The following SPG7 variants were observed in gnomAD, a reference collection of about 807,000 sequenced individuals.
SPG7 encodes the protein SPG7 matrix AAA peptidase subunit, paraplegin, also known as mitochondrial inner membrane m-AAA protease component paraplegin.
SPG7 carries 103 observed loss-of-function variants against 81.9 expected under a neutral mutation model. The ratio of observed to expected loss-of-function variants is 1.26; its 90% CI spans 1.07 to 1.48. The LOEUF (loss-of-function observed/expected upper bound fraction) is 1.48, where lower values mean the gene tolerates loss of function less well. Ranked by LOEUF, SPG7 falls within the 40% of genes most tolerant of loss-of-function variation. SPG7 has a pLI of 0.00. For synonymous variants in SPG7, 534 were observed against 444.2 expected, an observed-to-expected ratio of 1.20 and a Z score of -2.54; for missense variants, 1,241 against 1,087.3, an observed-to-expected ratio of 1.14 and a Z score of -1.99.
chr16:89,539,506 A>C (rs2058470022), intron 9 of SPG7: 1 of 152,180 alleles, frequency 6.6e-6, no homozygotes, highest in Non-Finnish European at 1.5e-5. Flanking sequence ...TTCTCAAAAA[A>C]ACAAATAAAT....
chr16:89,548,548 G>A (rs2058595019), intron 12 of SPG7: 16 of 311,928 alleles, frequency 5.1e-5, no homozygotes, highest in South Asian at 4.3e-4. Context: ...TTTCAGCGCA[G>A]CAGGGGCTCT....
Position 89,546,741 on chromosome 16 carries a change from G to A in SPG7, c.1533G>A (p.Glu511=). 6.2e-7 allele frequency: 1 copy of A among 1,612,412 alleles called. No homozygotes were observed. The highest frequency in any genetic ancestry group is 8.5e-7 in the Non-Finnish European group (1 of 1,178,450). Residue 511 remains glutamate (E), a synonymous_variant, in exon 11 of 17, where the codon GAG becomes GAA. Coordinates refer to ENST00000645818, the MANE Select transcript of SPG7 (RefSeq NM_003119.4). ...CCTTTTACTCCCAGCGTCTGGCAGA[G>A]CTGACACCAGGATTCAGTGGTACGT... is the stretch of plus-strand genomic sequence containing the variant. ...SSTFYSQRLA[E]LTPGFSGADI...
chr16:89,508,438 G>T lies in SPG7; in HGVS notation c.21G>T (p.Leu7=), dbSNP rs753694369. ...CCAACATGGCCGTGCTGCTGCTGCT[G>T]CTCCGTGCCCTCCGCCGGGGTCCAG... MAVLLL[L]LRALRRGPGP... Residue 7 remains leucine (L), a synonymous_variant, in exon 1 of 17, where the codon CTG becomes CTT. Coordinates refer to ENST00000645818, the MANE Select transcript of SPG7 (RefSeq NM_003119.4). The T allele has an allele frequency of 8.7e-6, 13 of 1,500,130 alleles. No homozygotes were observed. The highest frequency in any genetic ancestry group is 1.1e-5 in the Non-Finnish European group (12 of 1,131,786). 92.9% of individuals were successfully genotyped at this position (1,500,130 alleles called of 1,614,324 possible). A position where few individuals can be genotyped will look rare whatever the true frequency, so the allele number is the denominator to read the frequency against.
chr16:89,517,755 G>C (rs781526684), intron 3 of SPG7: 1 of 152,142 alleles, frequency 6.6e-6, no homozygotes, highest in African/African-American at 2.4e-5. Flanking sequence ...GAGTAACTGG[G>C]ACTAAAGGTG....
intron 9 of SPG7, chr16:89,537,332 G>A (rs1215954408): frequency 4.2e-6 from 5 of 1,193,784 alleles, no homozygotes; most frequent in East Asian, 4.5e-5. Flanking sequence ...CACCGCCGGC[G>A]ATGGACGTCC....
At chr16:89,536,967 A>G (rs774814533) in intron 9 of SPG7, 3 of 1,613,936 alleles carry the variant, frequency 1.9e-6, no homozygotes, top group East Asian at 2.2e-5. Context: ...ATATCAAACG[A>G]TCTTCTCCAC....
At chr16:89,531,720 A>G in intron 7 of SPG7, 184 bp from the exon 8 acceptor site, 1 of 646,104 alleles carries the variant, frequency 1.5e-6, no homozygotes, top group East Asian at 2.8e-5. Context: ...ACATGCCTGT[A>G]TATTCCCAGC....
In SPG7 at chr16:89,510,592, G is replaced by A; in HGVS notation, c.286G>A (p.Gly96Ser). ...TCCAGTCAGACTCTGGCAACTTTTA[G>A]GTATGTATCTGTTTAAAGAAGCAGC... ...QNPVRLWQLL[G>S]GTFYFNTSRL... Residue 96 changes from glycine to serine, a missense_variant and splice_region_variant, in exon 2 of 17, where the codon GGT becomes AGT. Coordinates refer to ENST00000645818, the MANE Select transcript of SPG7 (RefSeq NM_003119.4). 2 of 1,586,804 alleles carry A rather than the reference G, an allele frequency of 1.3e-6. No homozygotes were observed. Among genetic ancestry groups the A allele is most frequent in the East Asian group, 2.2e-5 (1 of 44,716 alleles).
At chr16:89,556,200 G>A (rs945087537) in intron 16 of SPG7, 4 of 398,932 alleles carry the variant, frequency 1.0e-5, no homozygotes, top group Non-Finnish European at 1.8e-5. Context: ...GCCCTAGAGA[G>A]GAAGTGTTTG....
chr16:89,523,432 G>C (rs2058216993), intron 3 of SPG7: 1 of 337,228 alleles, frequency 3.0e-6, no homozygotes, highest in Admixed American at 4.2e-5. Context: ...GTGGTAAAAG[G>C]TATTTGTTTT....
At chr16:89,540,792 C>T (rs1423966381) in intron 9 of SPG7, 2 of 633,538 alleles carry the variant, frequency 3.2e-6, no homozygotes, top group African/African-American at 2.0e-5. Context: ...CCGCATCCAC[C>T]CTCCTGGGTG....
Position 89,514,852 on chromosome 16 carries a change from A to G in SPG7, c.376+1815A>G, listed in dbSNP as rs573189030. ...GTCTTGTTGGCCAGGCTGGTCTCAA[A>G]CTCCTGACCTCAGGTGATTCACCCA... On this transcript the variant is annotated intron_variant, in intron 3 of 16. Transcript: ENST00000645818. Among the ~76,000 whole-genome samples the G allele has an allele frequency of 4.0e-5, 6 of 150,228 alleles. No homozygotes were observed. In the East Asian group the frequency reaches 1.2e-3, roughly 30 times the overall value.
intron 10 of SPG7, chr16:89,545,470 A>T (rs1401812851): frequency 5.2e-6 from 1 of 190,804 alleles, no homozygotes; most frequent in Non-Finnish European, 1.1e-5. Flanking sequence ...CTCTGTTGGG[A>T]TGGAGAGTGA....
intron 9 of SPG7, chr16:89,541,409 A>T: frequency 3.6e-6 from 3 of 844,778 alleles, no homozygotes; most frequent in Non-Finnish European, 4.3e-6. Flanking sequence ...AAATAACAAA[A>T]TTCTGGGGAT....
chr16:89,529,983 G>T (rs760430950), intron 6 of SPG7: 1 of 315,188 alleles, frequency 3.2e-6, no homozygotes, highest in Non-Finnish European at 6.2e-6. Flanking sequence ...GGGATTACAG[G>T]CACGCGCCAC....
chr16:89,540,842 G>A (rs1298728720), intron 9 of SPG7: 1 of 944,504 alleles, frequency 1.1e-6, no homozygotes, highest in African/African-American at 1.8e-5. Context: ...CACACGAAAT[G>A]CCTGGGCGCC....
intron 8 of SPG7, 46 bp from the exon 9 acceptor site, chr16:89,532,416 GT>G: frequency 6.2e-7 from 1 of 1,608,056 alleles, no homozygotes; most frequent in Non-Finnish European, 8.5e-7. Context: ...AAGAGGCTTT[GT>G]TTTTTATTAA....
intron 3 of SPG7, among the ~76,000 whole-genome samples, chr16:89,515,038 G>A (rs183364190): frequency 4.7e-5 from 7 of 147,976 alleles, no homozygotes; most frequent in African/African-American, 7.5e-5. Flanking sequence ...CCAGGTTCAC[G>A]CCATTCTCCT....
chr16:89,508,394 C>G, upstream of SPG7: 2 of 1,468,890 alleles, frequency 1.4e-6, no homozygotes, highest in African/African-American at 1.5e-5. Context: ...CCGCGGATCA[C>G]GCAGGCGCGG....
Sources: gnomAD v4.1 joint callset for allele counts (sites outside exome capture counted in the v4.1 genomes callset) on GRCh38, gnomAD v4.1.1 for gene constraint, MANE v1.5 for transcripts, NCBI Gene and HGNC (gene_info 2026-07-23, HGNC 2026-07-21) for gene names.